ZNF91: variants seen among roughly 807,000 people sequenced by gnomAD.
ZNF91 encodes zinc finger protein 91.
Under a neutral mutation model 12.6 loss-of-function variants are expected in ZNF91, and 7 were observed. That is an observed-to-expected ratio of 0.55 (90% CI 0.31 to 1.04). The LOEUF (loss-of-function observed/expected upper bound fraction) is 1.04, where lower values mean the gene tolerates loss of function less well. Among genes scored for constraint, ZNF91 ranks in the 50% least tolerant of loss-of-function variants. ZNF91 has a pLI of 0.05. For synonymous variants in ZNF91, 453 were observed against 462.6 expected (o/e 0.98, Z 0.27); for missense variants, 1,217 against 1,385.4 (o/e 0.88, Z 1.93).
intron 1 of ZNF91, chr19:23,328,191 A>C (rs295411): frequency 6.6e-6 from 1 of 151,998 alleles, no homozygotes; most frequent in Non-Finnish European, 1.5e-5. Context: ...ATAGATCACA[A>C]TGAGAGAGAC....
In ZNF91 at chr19:23,360,909, T is replaced by C; in HGVS notation, c.2070A>G (p.Glu690=). 2 of 1,611,634 alleles carry C rather than the reference T, an allele frequency of 1.2e-6. No individual in the cohort carries two copies. Among genetic ancestry groups the C allele is most frequent in the Non-Finnish European group, 1.7e-6 (2 of 1,178,602 alleles). ...HTEEKPYKCK[E]CDKTFKRLST... ...AGAGTCGCTTAAAAGTTTTGTCACA[T>C]TCTTTACATTTGTAGGGTTTCTCTT... The change falls in exon 4 of 4, where the codon GAA becomes GAG. Residue 690 remains glutamate, a synonymous_variant. Transcript: ENST00000300619.
downstream of ZNF91, among the ~76,000 whole-genome samples, chr19:23,335,956 G>A (rs531580643): frequency 3.1e-4 from 47 of 152,192 alleles, 2 homozygotes; most frequent in South Asian, 3.9e-3. Flanking sequence ...TTGGAACCCC[G>A]GAAAATACTT....
intron 3 of ZNF91, among the ~76,000 whole-genome samples, chr19:23,365,299 A>T (rs1455002250): frequency 1.0e-3 from 69 of 68,896 alleles, no homozygotes; most frequent in African/African-American, 6.4e-3. Context: ...CAGTTCTACA[A>T]AAAAAAAAAA....
chr19:23,385,071 C>A lies in ZNF91; in HGVS notation c.30+10254G>T. The A allele has an allele frequency of 3.9e-6, 4 of 1,022,476 alleles. No homozygotes were observed. In the South Asian group the frequency reaches 5.2e-5, roughly 13 times the overall value. 63.3% of individuals were successfully genotyped at this position (1,022,476 alleles called of 1,614,324 possible). On this transcript the variant is annotated intron_variant, in intron 1 of 3. Transcript: ENST00000300619. ...GCTCCAGCGGTTCCGCATCTCAGTCCAGACAGGGCAGGGACAGCCACTCCT... is the reference window on the plus strand; with the variant it reads ...GCTCCAGCGGTTCCGCATCTCAGTCAAGACAGGGCAGGGACAGCCACTCCT...
At chr19:23,371,817 T>C (rs1044853617) in intron 3 of ZNF91, among the ~76,000 whole-genome samples, 3 of 152,184 alleles carry the variant, frequency 2.0e-5, no homozygotes, top group Non-Finnish European at 1.5e-5. Context: ...AAATAGGAGA[T>C]GCTAATGAGA....
downstream of ZNF91, among the ~76,000 whole-genome samples, chr19:23,354,511 A>G (rs942456304): frequency 3.9e-5 from 6 of 152,234 alleles, no homozygotes; most frequent in African/African-American, 1.2e-4. Context: ...CACAGCCAAC[A>G]TAATACTGAA....
intron 3 of ZNF91, among the ~76,000 whole-genome samples, chr19:23,342,009 G>A (rs1968135425): frequency 6.6e-6 from 1 of 152,158 alleles, no homozygotes; most frequent in Non-Finnish European, 1.5e-5. Context: ...TTAAGGGTAT[G>A]GGACAAAAGA....
At chr19:23,379,781 G>C (rs1283357450) in intron 1 of ZNF91, among the ~76,000 whole-genome samples, 2 of 152,310 alleles carry the variant, frequency 1.3e-5, no homozygotes, top group Non-Finnish European at 2.9e-5. Context: ...TAAAGCACTG[G>C]CTCTCTACTC....
chr19:23,395,434 G>A lies in ZNF91; in HGVS notation c.-80C>T. The A allele has an allele frequency of 1.9e-6, 3 of 1,554,146 alleles. No homozygotes were observed. The highest frequency in any genetic ancestry group is 1.1e-5 in the South Asian group (1 of 87,948). On this transcript the variant is annotated 5_prime_UTR_variant, in exon 1 of 4. Transcript: ENST00000300619. ...CCTGGAGCAGAGGACACAGAGCAGT[G>A]AAGTCGAGACCTGGAAACTCCGGCG...
intron 1 of ZNF91, among the ~76,000 whole-genome samples, chr19:23,377,364 T>C (rs1969540916): frequency 6.6e-6 from 1 of 152,258 alleles, no homozygotes; most frequent in African/African-American, 2.4e-5. Flanking sequence ...AAGAGAGTTC[T>C]GTGAATTGGC....
At chr19:23,389,397 T>G (rs890111711) in intron 1 of ZNF91, among the ~76,000 whole-genome samples, 1 of 133,200 alleles carries the variant, frequency 7.5e-6, no homozygotes, top group Non-Finnish European at 1.5e-5. Context: ...TCTGTAAGTT[T>G]TTGGCAAAAA....
intron 1 of ZNF91, among the ~76,000 whole-genome samples, chr19:23,389,976 C>A (rs961114334): frequency 7.9e-5 from 12 of 152,180 alleles, no homozygotes; most frequent in Admixed American, 6.6e-4. Flanking sequence ...GAGCTACTCA[C>A]AGAACTCAGC....
intron 3 of ZNF91, among the ~76,000 whole-genome samples, chr19:23,349,633 C>T (rs780575912): frequency 1.3e-5 from 2 of 152,084 alleles, no homozygotes; most frequent in Non-Finnish European, 2.9e-5. Flanking sequence ...TCTGCCAACC[C>T]GAGCCTCACA....
chr19:23,371,139 A>G (rs1969260843), intron 3 of ZNF91, among the ~76,000 whole-genome samples: 1 of 152,098 alleles, frequency 6.6e-6, no homozygotes, highest in Non-Finnish European at 1.5e-5. Flanking sequence ...TCAGGAGCTC[A>G]AGACCAGCCT....
At chr19:23,327,407 G>A (rs1228690223) in intron 1 of ZNF91, 1 of 152,070 alleles carries the variant, frequency 6.6e-6, no homozygotes, top group African/African-American at 2.4e-5. Context: ...GATAAGGTAG[G>A]TGTTCTGAAA....
intron 3 of ZNF91, among the ~76,000 whole-genome samples, chr19:23,367,419 TAA>T (rs1168511874): frequency 6.6e-6 from 1 of 151,892 alleles, no homozygotes; most frequent in Non-Finnish European, 1.5e-5. Context: ...TACATGAAAA[TAA>T]AAAACTCTTC....
intron 1 of ZNF91, among the ~76,000 whole-genome samples, chr19:23,388,978 C>A (rs1239138712): frequency 2.0e-5 from 3 of 152,120 alleles, no homozygotes; most frequent in African/African-American, 7.2e-5. Context: ...AGGGGAACAA[C>A]AGACACTGAC....
downstream of ZNF91, among the ~76,000 whole-genome samples, chr19:23,337,005 G>A (rs1300907161): frequency 5.9e-5 from 9 of 152,156 alleles, no homozygotes; most frequent in Admixed American, 5.9e-4. Flanking sequence ...TTATACAAAT[G>A]TGTTGGGTGC....
In ZNF91 at chr19:23,358,146, A is replaced by G. The variant is rs1490245723; in HGVS notation, c.*1257T>C. 2 of 152,194 alleles carry G rather than the reference A, an allele frequency of 1.3e-5. No homozygotes were observed. The highest frequency in any genetic ancestry group is 4.8e-5 in the African/African-American group (2 of 41,450). The allele number at this position is 152,194 out of a possible 1,614,324, so 9.4% of individuals were successfully genotyped here. A position where few individuals can be genotyped will look rare whatever the true frequency, so the allele number is the denominator to read the frequency against. Reference sequence around the variant, plus strand: ...GGTGGAATAGGTTAAAGTTACTGGCATAATAACACTTCATTGAATTCATGA... The same window carrying G: ...GGTGGAATAGGTTAAAGTTACTGGCGTAATAACACTTCATTGAATTCATGA... On this transcript the variant is annotated 3_prime_UTR_variant, in exon 4 of 4. Transcript: ENST00000300619.
Sources: allele counts gnomAD v4.1 joint callset (sites outside exome capture counted in the v4.1 genomes callset), GRCh38; gene constraint gnomAD v4.1.1; transcripts MANE v1.5; gene names NCBI Gene and HGNC (gene_info 2026-07-23, HGNC 2026-07-21).